The following GATB variants were observed in gnomAD, a reference collection of about 807,000 sequenced individuals.
GATB encodes glutamyl-tRNA(Gln) amidotransferase subunit B, mitochondrial.
GATB carries 39 observed loss-of-function variants against 62.3 expected under a neutral mutation model. The ratio of observed to expected loss-of-function variants is 0.63; its 90% CI spans 0.48 to 0.82. The LOEUF (loss-of-function observed/expected upper bound fraction) is 0.82, where lower values mean the gene tolerates loss of function less well. Ranked by LOEUF, GATB falls within the 40% of genes least tolerant of loss-of-function variation. The pLI, the probability that GATB is intolerant of heterozygous loss-of-function variation, is 0.00. For missense variants in GATB, 670 were observed against 684.0 expected, an observed-to-expected ratio of 0.98 and a Z score of 0.23; for synonymous variants, 276 against 258.9, an observed-to-expected ratio of 1.07 and a Z score of -0.63.
chr4:151,716,762 G>A, intron 4 of GATB, 114 bp downstream of exon 4: 1 of 899,798 alleles, frequency 1.1e-6, no homozygotes, highest in Non-Finnish European at 1.7e-6. Context: ...CATCTATCAG[G>A]CTCCTGTGAC....
intron 2 of GATB, among the ~76,000 whole-genome samples, chr4:151,757,293 T>C (rs1424949525): frequency 2.6e-5 from 4 of 152,012 alleles, no homozygotes; most frequent in African/African-American, 9.7e-5. Flanking sequence ...GAGTCCTCCA[T>C]GACAGAAAAT....
chr4:151,732,535 T>C (rs1321631509), intron 2 of GATB, among the ~76,000 whole-genome samples: 1 of 151,610 alleles, frequency 6.6e-6, no homozygotes, highest in Non-Finnish European at 1.5e-5. Flanking sequence ...TCATTAAGAG[T>C]CATCACCACT....
In GATB at chr4:151,701,270, T is replaced by A. The variant is rs932881797; in HGVS notation, c.1197+59A>T. 13 of 1,380,684 alleles carry A rather than the reference T, an allele frequency of 9.4e-6. No individual in the cohort carries two copies. In the African/African-American group the frequency reaches 1.6e-4, roughly 17 times the overall value. The allele number at this position is 1,380,684 out of a possible 1,614,324, so 85.5% of individuals were successfully genotyped here. A position where few individuals can be genotyped will look rare whatever the true frequency, so the allele number is the denominator to read the frequency against. On this transcript the variant is annotated intron_variant, in intron 9 of 12. Transcript: ENST00000263985. ...GGCAGCCTGTGTGTGGCGGGGCCTC[T>A]GAAGGGCACTGCCCCATCTGCTGAG...
chr4:151,716,547 A>G (rs1738916730), intron 4 of GATB, among the ~76,000 whole-genome samples: 1 of 151,990 alleles, frequency 6.6e-6, no homozygotes, highest in Admixed American at 6.6e-5. Flanking sequence ...CTAGCATTAC[A>G]CGTGTAGGCA....
intron 2 of GATB, among the ~76,000 whole-genome samples, chr4:151,754,316 T>C (rs1318409372): frequency 5.9e-5 from 9 of 152,248 alleles, no homozygotes; most frequent in Non-Finnish European, 1.3e-4. Flanking sequence ...TTGTACATCC[T>C]ATTCACTTTC....
chr4:151,687,445 TA>T (rs1195942921), intron 10 of GATB, among the ~76,000 whole-genome samples: 2 of 152,236 alleles, frequency 1.3e-5, no homozygotes, highest in East Asian at 3.8e-4. Context: ...CCAATTGAGA[TA>T]ATTGCTCTCA....
At chr4:151,697,894 C>T (rs1214675127) in intron 9 of GATB, among the ~76,000 whole-genome samples, 7 of 137,960 alleles carry the variant, frequency 5.1e-5, no homozygotes, top group African/African-American at 1.7e-4. Context: ...AGCGAGACTC[C>T]GTCTCAAAAA....
At chr4:151,720,204 T>G (rs1364831458) in intron 2 of GATB, 1 of 152,200 alleles carries the variant, frequency 6.6e-6, no homozygotes, top group Non-Finnish European at 1.5e-5. Flanking sequence ...CAGGAGTGAA[T>G]GACCAAGAAA....
chr4:151,672,674 C>G (rs1737898908), intron 12 of GATB, 88 bp downstream of exon 12: 1 of 1,416,288 alleles, frequency 7.1e-7, no homozygotes, highest in African/African-American at 1.4e-5. Context: ...TTAGGAAGAG[C>G]CTCTGGGCTG....
intron 3 of GATB, chr4:151,717,327 G>A (rs1047450447): frequency 1.1e-4 from 54 of 496,238 alleles, no homozygotes; most frequent in African/African-American, 8.0e-4. Context: ...TAAACAACAC[G>A]AATTCATCCC....
At chr4:151,727,797 C>T (rs1173435031) in intron 2 of GATB, among the ~76,000 whole-genome samples, 3 of 152,192 alleles carry the variant, frequency 2.0e-5, no homozygotes, top group Admixed American at 6.5e-5. Context: ...AATAACTTCA[C>T]ACATAGCAGA....
intron 10 of GATB, among the ~76,000 whole-genome samples, chr4:151,681,171 T>G (rs914081796): frequency 2.0e-5 from 3 of 152,242 alleles, no homozygotes; most frequent in Non-Finnish European, 4.4e-5. Context: ...TCCCGGGCTC[T>G]AAACCAATGG....
At chr4:151,713,055 T>C (rs902101279) in intron 5 of GATB, among the ~76,000 whole-genome samples, 2 of 152,130 alleles carry the variant, frequency 1.3e-5, no homozygotes, top group Non-Finnish European at 2.9e-5. Flanking sequence ...TAGATTCTCA[T>C]AGGAGCACGA....
intron 9 of GATB, among the ~76,000 whole-genome samples, chr4:151,699,647 G>A (rs1204474070): frequency 3.3e-5 from 5 of 152,072 alleles, no homozygotes; most frequent in Middle Eastern, 3.2e-3. Flanking sequence ...GCTCATGAAC[G>A]GCCGAGAGTG....
At chr4:151,714,713 T>G (rs1390138550) in intron 5 of GATB, among the ~76,000 whole-genome samples, 2 of 152,158 alleles carry the variant, frequency 1.3e-5, no homozygotes, top group African/African-American at 4.8e-5. Flanking sequence ...AATGGGATAA[T>G]AAAAACTTTC....
At position 151,701,475 on chromosome 4, in the gene GATB, C is replaced by A. The variant is rs766660548; in HGVS notation, c.1051G>T (p.Ala351Ser). 2 of 1,588,782 alleles carry A rather than the reference C, an allele frequency of 1.3e-6. No homozygotes were observed. Among genetic ancestry groups the A allele is most frequent in the South Asian group, 1.1e-5 (1 of 86,960 alleles). ...TCTGCACCTGCGGGCAGAGATGTGG[C>A]GTCGTAGAGCACCAGGGGAGGCAGG... is the stretch of plus-strand genomic sequence containing the variant. ...PNLPPLVLYD[A>S]TSLPAGADPQ... The change falls in exon 9 of 13, where the codon GCC (alanine) becomes TCC (serine). Residue 351 changes from alanine (A) to serine (S), a missense_variant. Physicochemically the swap from Ala to Ser is moderately conservative, Grantham distance 99. Transcript: ENST00000263985.
chr4:151,754,248 C>T (rs999183331), intron 2 of GATB, among the ~76,000 whole-genome samples: 7 of 152,208 alleles, frequency 4.6e-5, no homozygotes, highest in Non-Finnish European at 8.8e-5. Context: ...TTCTATGCTA[C>T]AACACATGGA....
At chr4:151,696,265 CTTTATG>C (rs1738468132) in intron 9 of GATB, among the ~76,000 whole-genome samples, 1 of 152,104 alleles carries the variant, frequency 6.6e-6, no homozygotes, top group African/African-American at 2.4e-5. Context: ...GTGGATGGCA[CTTTATG>C]TTTATTTATA....
At chr4:151,748,044 C>T (rs1031088970) in intron 2 of GATB, among the ~76,000 whole-genome samples, 6 of 152,328 alleles carry the variant, frequency 3.9e-5, no homozygotes, top group South Asian at 4.1e-4. Context: ...ACATTCCATG[C>T]TCATGGATAG....
Sources: allele counts gnomAD v4.1 joint callset (sites outside exome capture counted in the v4.1 genomes callset), GRCh38; gene constraint gnomAD v4.1.1; transcripts MANE v1.5; gene names NCBI Gene and HGNC (gene_info 2026-07-23, HGNC 2026-07-21).